VWA2: variants seen among roughly 807,000 people sequenced by gnomAD.
VWA2 encodes von Willebrand factor A domain-containing protein 2.
Under a neutral mutation model 70.4 loss-of-function variants are expected in VWA2, and 73 were observed. The observed-to-expected ratio is 1.04, with a 90% confidence interval of 0.86 to 1.26. The LOEUF is 1.26. Ranked by LOEUF, VWA2 falls within the 50% of genes most tolerant of loss-of-function variation. VWA2 has a pLI of 0.00. For missense variants in VWA2, 1,011 were observed against 998.5 expected, an observed-to-expected ratio of 1.01 and a Z score of -0.17; for synonymous variants, 407 against 423.3, an observed-to-expected ratio of 0.96 and a Z score of 0.47.
At chr10:114,268,698 CT>C (rs1554856684) in intron 5 of VWA2, among the ~76,000 whole-genome samples, 25,407 of 125,070 alleles carry the variant, frequency 0.2, 2,183 homozygotes, top group African/African-American at 0.29. Context: ...TTTCTTTTTT[CT>C]TTTTTTTTTT....
chr10:114,243,475 A>G (rs1401339358), intron 1 of VWA2, among the ~76,000 whole-genome samples: 1 of 152,198 alleles, frequency 6.6e-6, no homozygotes, highest in Non-Finnish European at 1.5e-5. Context: ...TGTTCCAGCA[A>G]GGACTTCCCC....
At chr10:114,268,781 G>A (rs1362449218) in intron 5 of VWA2, among the ~76,000 whole-genome samples, 1 of 150,946 alleles carries the variant, frequency 6.6e-6, no homozygotes, top group Admixed American at 6.6e-5. Flanking sequence ...TGCAAGCTCC[G>A]CCTCCCAGGT....
At chr10:114,269,954 G>A (rs186730814) in intron 5 of VWA2, among the ~76,000 whole-genome samples, 77 of 152,354 alleles carry the variant, frequency 5.1e-4, no homozygotes, top group African/African-American at 1.7e-3. Context: ...GAGCATTTAA[G>A]CAGGACAGTT....
At chr10:114,243,526 G>A (rs1281527808) in intron 1 of VWA2, among the ~76,000 whole-genome samples, 1 of 152,180 alleles carries the variant, frequency 6.6e-6, no homozygotes, top group African/African-American at 2.4e-5. Context: ...TCCCATTCAG[G>A]TGTGTACTGT....
chr10:114,269,008 G>A (rs1228076167), intron 5 of VWA2, among the ~76,000 whole-genome samples: 2 of 147,528 alleles, frequency 1.4e-5, no homozygotes, highest in South Asian at 4.3e-4. Context: ...CACCGCGCCC[G>A]GCCAAGCGGA....
At chr10:114,276,263 C>A (rs1216855072) in intron 6 of VWA2, among the ~76,000 whole-genome samples, 1 of 152,160 alleles carries the variant, frequency 6.6e-6, no homozygotes, top group East Asian at 1.9e-4. Flanking sequence ...CGCTGTTGCT[C>A]ACTGGTTCTC....
intron 4 of VWA2, among the ~76,000 whole-genome samples, chr10:114,258,202 A>AT (rs1305476346): frequency 6.6e-6 from 1 of 152,100 alleles, no homozygotes; most frequent in East Asian, 1.9e-4. Context: ...TTGCTGCTGC[A>AT]TTTTTTTGTA....
At chr10:114,273,645 T>C (rs2037759287) in intron 6 of VWA2, among the ~76,000 whole-genome samples, 1 of 152,200 alleles carries the variant, frequency 6.6e-6, no homozygotes, top group African/African-American at 2.4e-5. Flanking sequence ...GAGCGTTAAG[T>C]GAAATGACTC....
intron 6 of VWA2, among the ~76,000 whole-genome samples, chr10:114,273,608 CT>C (rs1482714962): frequency 6.6e-6 from 1 of 152,192 alleles, no homozygotes; most frequent in Non-Finnish European, 1.5e-5. Context: ...ATGGACGTCA[CT>C]TATGCCATGG....
chr10:114,279,803 G>A (rs1005504668), intron 8 of VWA2, among the ~76,000 whole-genome samples: 6 of 152,200 alleles, frequency 3.9e-5, no homozygotes, highest in Admixed American at 3.9e-4. Flanking sequence ...GTTTAGAGGA[G>A]GGCATTGGAA....
chr10:114,287,111 GA>G (rs2038996285), intron 11 of VWA2, among the ~76,000 whole-genome samples: 1 of 152,170 alleles, frequency 6.6e-6, no homozygotes, highest in Non-Finnish European at 1.5e-5. Context: ...ACCCCTATTG[GA>G]AGGCACTCTA....
intron 2 of VWA2, among the ~76,000 whole-genome samples, chr10:114,249,625 G>A (rs1010303510): frequency 2.6e-5 from 4 of 152,090 alleles, no homozygotes; most frequent in Non-Finnish European, 5.9e-5. Flanking sequence ...TTGCTGAGGA[G>A]AATGGCTTCT....
In VWA2 at chr10:114,240,188, C is replaced by G. The variant is rs563017500; in HGVS notation, c.-11+619C>G. Among the ~76,000 whole-genome samples the G allele has an allele frequency of 6.0e-4, 91 of 152,336 alleles. 1 individual carries two copies. The highest frequency in any genetic ancestry group is 5.9e-3 in the Admixed American group (91 of 15,302). ...GGCAGTGGGAAGTCCAGGGGTTTGT[C>G]GTTCTGGTGACTTCCCCCACCTGGC... On this transcript the variant is annotated intron_variant, in intron 1 of 13. Transcript: ENST00000392982.
chr10:114,269,553 C>A (rs563032308), intron 5 of VWA2, among the ~76,000 whole-genome samples: 1 of 152,136 alleles, frequency 6.6e-6, no homozygotes, highest in Non-Finnish European at 1.5e-5. Context: ...AACACTCCAG[C>A]CTGGGTGACA....
intron 2 of VWA2, among the ~76,000 whole-genome samples, chr10:114,251,132 T>G (rs1429115073): frequency 6.6e-6 from 1 of 152,344 alleles, no homozygotes; most frequent in African/African-American, 2.4e-5. Flanking sequence ...TTGACTAGAT[T>G]AGTGATTCTC....
chr10:114,276,719 G>C (rs1032434743), intron 6 of VWA2, among the ~76,000 whole-genome samples: 3 of 118,126 alleles, frequency 2.5e-5, no homozygotes, highest in Non-Finnish European at 4.9e-5. Context: ...GGGTTTCACT[G>C]TGTTGCCCAG....
intron 1 of VWA2, among the ~76,000 whole-genome samples, chr10:114,244,276 T>C (rs916829709): frequency 3.9e-5 from 6 of 152,228 alleles, no homozygotes; most frequent in Admixed American, 2.0e-4. Flanking sequence ...CTCTAGTTCA[T>C]AGCCTGTTTT....
intron 5 of VWA2, among the ~76,000 whole-genome samples, chr10:114,269,265 G>T (rs981894651): frequency 3.9e-5 from 6 of 152,202 alleles, no homozygotes; most frequent in South Asian, 2.1e-4. Context: ...TGGTTGTGAA[G>T]AGAGAGGCCC....
intron 12 of VWA2, chr10:114,289,870 ACCT>A: frequency 3.0e-6 from 1 of 334,338 alleles, no homozygotes; most frequent in Non-Finnish European, 5.6e-6. Context: ...AAATCCAGTG[ACCT>A]CCTCTTCACC....
Sources: allele counts gnomAD v4.1 joint callset (sites outside exome capture counted in the v4.1 genomes callset), GRCh38; gene constraint gnomAD v4.1.1; transcripts MANE v1.5; gene names NCBI Gene and HGNC (gene_info 2026-07-23, HGNC 2026-07-21).